Variants in HTR4 observed in about 807,000 individuals in gnomAD.
HTR4 encodes 5-hydroxytryptamine (serotonin) receptor 4, G protein-coupled.
In HTR4, 16 loss-of-function variants were observed where a neutral mutation model predicts 36.8. The observed-to-expected ratio is 0.43, with a 90% CI of 0.29 to 0.66. The LOEUF (loss-of-function observed/expected upper bound fraction) is 0.66, where lower values mean the gene tolerates loss of function less well. HTR4 is among the 30% of genes least tolerant of loss of function. The pLI, the probability that HTR4 is intolerant of heterozygous loss-of-function variation, is 0.13. For missense variants in HTR4, 438 were observed against 490.9 expected (o/e 0.89, Z 1.02); for synonymous variants, 189 against 185.1 (o/e 1.02, Z -0.17).
At chr5:148,614,793 G>A (rs1752593552) in intron 2 of HTR4, among the ~76,000 whole-genome samples, 1 of 152,068 alleles carries the variant, frequency 6.6e-6, no homozygotes, top group Non-Finnish European at 1.5e-5. Context: ...CTGACAAAGG[G>A]CTAATATCCA....
In HTR4 at chr5:148,626,303, A is replaced by G. The variant is rs563812988; in HGVS notation, c.26+10686T>C. ...ACAAGCCATCAGAACATTCCCTTTC[A>G]GGGAGGGGATTTTATCTTATCCTCT... On this transcript the variant is annotated intron_variant, in intron 2 of 6. Coordinates refer to ENST00000377888, the MANE Select transcript of HTR4 (RefSeq NM_000870.7). Among the ~76,000 whole-genome samples the G allele has an allele frequency of 2.4e-3, 366 of 152,334 alleles. 2 individuals are homozygous for G. The highest frequency in any genetic ancestry group is 8.5e-3 in the African/African-American group (354 of 41,580).
At chr5:148,609,182 G>T (rs1464677951) in intron 2 of HTR4, among the ~76,000 whole-genome samples, 4 of 152,162 alleles carry the variant, frequency 2.6e-5, no homozygotes, top group African/African-American at 9.7e-5. Flanking sequence ...ACTTATAATG[G>T]CATTGCATTG....
At chr5:148,540,438 ATATATATAT>A (rs1759060705) in intron 4 of HTR4, among the ~76,000 whole-genome samples, 1 of 130,474 alleles carries the variant, frequency 7.7e-6, no homozygotes, top group Non-Finnish European at 1.7e-5. Context: ...ATATATATAT[ATATATATAT>A]AATCTTATAT....
chr5:148,616,801 T>C (rs1156637446), intron 2 of HTR4, among the ~76,000 whole-genome samples: 1 of 152,188 alleles, frequency 6.6e-6, no homozygotes, highest in African/African-American at 2.4e-5. Context: ...AAAAAAGTTA[T>C]AACTTACCTT....
intron 2 of HTR4, among the ~76,000 whole-genome samples, chr5:148,575,210 C>A (rs577878744): frequency 2.0e-5 from 3 of 152,108 alleles, no homozygotes; most frequent in Admixed American, 2.0e-4. Flanking sequence ...AGGTAAGCAT[C>A]CCCTGATCAA....
chr5:148,520,845 T>C, intron 5 of HTR4: 3 of 1,353,480 alleles, frequency 2.2e-6, no homozygotes, highest in South Asian at 1.1e-5. Context: ...AAAATGTCCA[T>C]GCAGTTACAC....
intron 4 of HTR4, among the ~76,000 whole-genome samples, chr5:148,543,619 T>A (rs1581451453): frequency 6.6e-6 from 1 of 152,288 alleles, no homozygotes; most frequent in East Asian, 1.9e-4. Context: ...TTACCTCAGG[T>A]TATGCAGCTG....
downstream of HTR4, among the ~76,000 whole-genome samples, chr5:148,476,163 A>C (rs1259640424): frequency 6.6e-6 from 1 of 152,154 alleles, no homozygotes; most frequent in East Asian, 1.9e-4. Context: ...AATAACTCTC[A>C]CTGGGTCCAT....
At chr5:148,558,042 T>C (rs1443591317) in intron 2 of HTR4, among the ~76,000 whole-genome samples, 3 of 152,050 alleles carry the variant, frequency 2.0e-5, no homozygotes, top group Non-Finnish European at 2.9e-5. Context: ...CTTGAAAATA[T>C]ACACAGCACA....
downstream of HTR4, among the ~76,000 whole-genome samples, chr5:148,478,608 C>T (rs10053530): frequency 0.077 from 11,694 of 152,110 alleles, 711 homozygotes; most frequent in African/African-American, 0.15. Flanking sequence ...TTCCCTGGTC[C>T]AGCGATTGGG....
At chr5:148,453,100 T>TATATGTGGTTC (rs1755012328) in intron 5 of HTR4, among the ~76,000 whole-genome samples, 1 of 152,208 alleles carries the variant, frequency 6.6e-6, no homozygotes, top group South Asian at 2.1e-4. Flanking sequence ...CTGTGGTTCC[T>TATATGTGGTTC]ATATACGTCA....
intron 5 of HTR4, among the ~76,000 whole-genome samples, chr5:148,469,394 C>T (rs1009899372): frequency 3.3e-5 from 5 of 152,214 alleles, no homozygotes; most frequent in African/African-American, 1.2e-4. Flanking sequence ...TTAAATGAGT[C>T]TTGCCATAGC....
intron 4 of HTR4, among the ~76,000 whole-genome samples, chr5:148,531,745 A>G (rs540337236): frequency 1.3e-5 from 2 of 152,248 alleles, no homozygotes; most frequent in South Asian, 2.1e-4. Flanking sequence ...CTCTGGCTTA[A>G]TTTAAATTTC....
At chr5:148,451,040 G>T in exon 6 of HTR4, 1 of 1,395,396 alleles carries the variant, frequency 7.2e-7, no homozygotes, top group Non-Finnish European at 9.8e-7. Context: ...CCCCAACACT[G>T]TCCTCCATGT....
In HTR4 at chr5:148,509,824, G is replaced by A. The variant is rs771412582; in HGVS notation, c.708C>T (p.Ser236=). 1.5e-5 allele frequency: 24 copies of A among 1,613,978 alleles called. No homozygotes were observed. Among genetic ancestry groups the A allele is most frequent in the South Asian group, 6.6e-5 (6 of 91,068 alleles). ...IQMLQRAGAS[S]ESRPQSADQH... ...GGTCTGCCGACTGAGGCCTGCTCTC[G>A]GAGGAGGCTCCTGCCCGTTGTAACA... The change falls in exon 6 of 7, where the codon TCC becomes TCT. Residue 236 remains serine, a synonymous_variant. Coordinates refer to ENST00000377888, the MANE Select transcript of HTR4 (RefSeq NM_000870.7).
intron 2 of HTR4, among the ~76,000 whole-genome samples, chr5:148,634,926 G>A (rs1374937116): frequency 1.3e-5 from 2 of 152,086 alleles, no homozygotes; most frequent in African/African-American, 2.4e-5. Context: ...TCTGGTTCAT[G>A]CTTTTAAAAT....
intron 5 of HTR4, among the ~76,000 whole-genome samples, chr5:148,454,186 C>T (rs953579600): frequency 9.2e-5 from 14 of 152,192 alleles, no homozygotes; most frequent in Non-Finnish European, 1.6e-4. Context: ...TTTAATCTCT[C>T]TATGCATCAC....
chr5:148,483,937 ATTT>A (rs1299150793), intron 6 of HTR4, among the ~76,000 whole-genome samples: 4 of 236 alleles, frequency 0.017, no homozygotes, highest in African/African-American at 0.062. Flanking sequence ...TGATTTTATT[ATTT>A]ATTTATTTAT....
At chr5:148,518,495 A>C (rs1419101085) in intron 5 of HTR4, among the ~76,000 whole-genome samples, 1 of 152,180 alleles carries the variant, frequency 6.6e-6, no homozygotes, top group African/African-American at 2.4e-5. Context: ...ACTTGCCAGG[A>C]TAATTGTAAT....
Sources: gnomAD v4.1 joint callset for allele counts (sites outside exome capture counted in the v4.1 genomes callset) on GRCh38, gnomAD v4.1.1 for gene constraint, MANE v1.5 for transcripts, NCBI Gene and HGNC (gene_info 2026-07-23, HGNC 2026-07-21) for gene names.